The following IL4I1 variants were observed in gnomAD, a reference collection of about 807,000 sequenced individuals.
IL4I1 encodes interleukin 4 induced 1, also known as L-amino-acid oxidase.
Under a neutral mutation model 29.7 loss-of-function variants are expected in IL4I1, and 24 were observed. The ratio of observed to expected loss-of-function variants is 0.81; its 90% confidence interval spans 0.59 to 1.14. The LOEUF is 1.14. Among genes scored for constraint, IL4I1 ranks in the 50% most tolerant of loss-of-function variants. IL4I1 has a pLI of 0.00. For synonymous variants in IL4I1, 371 were observed against 352.5 expected, an observed-to-expected ratio of 1.05 and a Z score of -0.59; for missense variants, 686 against 785.6, an observed-to-expected ratio of 0.87 and a Z score of 1.52.
chr19:49,907,074 T>C (rs143688089), intron 2 of IL4I1: 10 of 156,928 alleles, frequency 6.4e-5, no homozygotes, highest in African/African-American at 9.6e-5. Flanking sequence ...CTGGGCTTCA[T>C]TGTTCTTTCA....
chr19:49,899,020 T>C (rs757099826), upstream of IL4I1, among the ~76,000 whole-genome samples: 8 of 152,238 alleles, frequency 5.3e-5, no homozygotes, highest in Non-Finnish European at 1.0e-4. Flanking sequence ...CAGAGTTTCA[T>C]TCACAGCGAC....
At chr19:49,917,148 A>G (rs1321514626) in intron 2 of IL4I1, among the ~76,000 whole-genome samples, 5 of 152,158 alleles carry the variant, frequency 3.3e-5, no homozygotes, top group African/African-American at 1.2e-4. Flanking sequence ...AAGAGCAGAG[A>G]GTGAGGGAGT....
chr19:49,896,219 G>C lies in IL4I1; in HGVS notation c.-22-37C>G, dbSNP rs746666778. 2.4e-5 allele frequency: 35 copies of C among 1,478,864 alleles called. No homozygotes were observed. The South Asian group carries it at 4.4e-4, about 19-fold the overall frequency. 91.6% of individuals were successfully genotyped at this position (1,478,864 alleles called of 1,614,324 possible). A position where few individuals can be genotyped will look rare whatever the true frequency, so the allele number is the denominator to read the frequency against. On this transcript the variant is annotated intron_variant, in intron 1 of 7. Coordinates refer to ENST00000391826, the MANE Select transcript of IL4I1 (RefSeq NM_152899.2). ...GAGAAGGGAGGGCTGTTGTGACTGA[G>C]GCCTGTGACCACTGTAGCCTGACTC...
intron 2 of IL4I1, chr19:49,906,828 T>G (rs1202170459): frequency 6.6e-6 from 1 of 152,252 alleles, no homozygotes; most frequent in Admixed American, 6.5e-5. Flanking sequence ...GCAGCTGTTT[T>G]GGTTTCACAA....
upstream of IL4I1, among the ~76,000 whole-genome samples, chr19:49,897,833 G>A (rs2075231267): frequency 6.6e-6 from 1 of 152,200 alleles, no homozygotes; most frequent in Non-Finnish European, 1.5e-5. Flanking sequence ...AGGGTTGGGT[G>A]GGGGTTGGAG....
chr19:49,901,821 G>T, upstream of IL4I1: 1 of 710,138 alleles, frequency 1.4e-6, no homozygotes, highest in Non-Finnish European at 2.2e-6. Context: ...CAGCTGGGAG[G>T]CTGTGAAAGG....
At chr19:49,922,604 G>T (rs1254272332) in intron 2 of IL4I1, among the ~76,000 whole-genome samples, 1 of 151,966 alleles carries the variant, frequency 6.6e-6, no homozygotes, top group African/African-American at 2.4e-5. Context: ...GTGGGGAGGG[G>T]AAGTCACAGA....
At chr19:49,915,163 G>A (rs1336539644) in intron 2 of IL4I1, among the ~76,000 whole-genome samples, 1 of 151,988 alleles carries the variant, frequency 6.6e-6, no homozygotes, top group African/African-American at 2.4e-5. Flanking sequence ...TGTGTGGGGG[G>A]GTAGACAGAA....
intron 2 of IL4I1, among the ~76,000 whole-genome samples, chr19:49,913,381 G>C (rs769335827): frequency 1.3e-5 from 2 of 152,148 alleles, no homozygotes; most frequent in African/African-American, 4.8e-5. Context: ...GTTTACCTGG[G>C]GCCCCAGGCC....
At chr19:49,919,787 C>T (rs1600541482) in intron 2 of IL4I1, among the ~76,000 whole-genome samples, 1 of 115,892 alleles carries the variant, frequency 8.6e-6, no homozygotes, top group African/African-American at 3.6e-5. Flanking sequence ...GATTCTAGAA[C>T]CACCGCTTGC....
upstream of IL4I1, among the ~76,000 whole-genome samples, chr19:49,901,299 G>A (rs1274363749): frequency 6.6e-6 from 1 of 152,198 alleles, no homozygotes; most frequent in Non-Finnish European, 1.5e-5. Flanking sequence ...CGGGAGAATC[G>A]CTCGAGCCTG....
Position 49,921,318 on chromosome 19 carries a change from G to T in IL4I1, c.-228+6376C>A, listed in dbSNP as rs1377577672. Among the ~76,000 whole-genome samples the T allele has an allele frequency of 6.6e-6, 1 of 152,022 alleles. No individual in the cohort carries two copies. Among genetic ancestry groups the T allele is most frequent in the Non-Finnish European group, 1.5e-5 (1 of 68,004 alleles). ...CCACAGCTGAGCTCCTAACCGCACC[G>T]AGCCTCTCCAAAACATGGTCTTTTT... On this transcript the variant is annotated intron_variant, in intron 2 of 9. Transcript: ENST00000341114. This position sits in a 1 kb window ranked among gnomAD's most constrained non-coding sequence, Gnocchi z 5.4.
intron 2 of IL4I1, among the ~76,000 whole-genome samples, chr19:49,919,483 G>A (rs1016740885): frequency 7.9e-5 from 12 of 152,182 alleles, no homozygotes; most frequent in African/African-American, 2.9e-4. Flanking sequence ...CTCAGAGGGG[G>A]CGACTTGCCC....
At chr19:49,908,813 T>C (rs1259154353) in intron 2 of IL4I1, 30 of 1,613,598 alleles carry the variant, frequency 1.9e-5, no homozygotes, top group Middle Eastern at 3.3e-4. Context: ...GCTCTCCAGC[T>C]GCGCGTAGGT....
intron 2 of IL4I1, chr19:49,909,106 G>A (rs1232380378): frequency 6.2e-7 from 1 of 1,612,484 alleles, no homozygotes; most frequent in South Asian, 1.1e-5. Context: ...AGAGTCCAGT[G>A]GTGGCAGATG....
intron 2 of IL4I1, among the ~76,000 whole-genome samples, chr19:49,912,164 A>AC (rs1353184180): frequency 8.5e-6 from 1 of 117,856 alleles, no homozygotes; most frequent in Non-Finnish European, 1.8e-5. Flanking sequence ...TTAACAGTTC[A>AC]CCTTTTTTTT....
chr19:49,890,022 T>G lies in IL4I1; in HGVS notation c.1352A>C (p.Gln451Pro). ...VKRWAEDQHS[Q>P]GGFVVQPPAL... ...CGGCGGCTGTACCACAAAGCCACCC[T>G]GGCTGTGCTGGTCCTCCGCCCAACG... is the stretch of plus-strand genomic sequence containing the variant. The change falls in exon 8 of 8, where the codon CAG becomes CCG. Residue 451 changes from glutamine to proline, a missense_variant. By Grantham distance (76) the Gln-to-Pro change is moderately conservative. Transcript: ENST00000391826. 6.4e-7 allele frequency: 1 copy of G among 1,552,354 alleles called. No individual in the cohort carries two copies. Among genetic ancestry groups the G allele is most frequent in the Non-Finnish European group, 8.7e-7 (1 of 1,148,072 alleles).
chr19:49,923,146 C>A (rs563581677), intron 2 of IL4I1, among the ~76,000 whole-genome samples: 171 of 152,256 alleles, frequency 1.1e-3, no homozygotes, highest in Non-Finnish European at 2.0e-3. Flanking sequence ...AGGGAAGGGG[C>A]TCTGGAGGAC....
intron 2 of IL4I1, among the ~76,000 whole-genome samples, chr19:49,917,042 G>T (rs1456119606): frequency 5.9e-5 from 9 of 152,272 alleles, no homozygotes; most frequent in Non-Finnish European, 1.0e-4. Flanking sequence ...GTGCGGAGCT[G>T]TCTCCGTGGG....
Sources: gnomAD v4.1 joint callset for allele counts (sites outside exome capture counted in the v4.1 genomes callset) on GRCh38, gnomAD v4.1.1 for gene constraint, Gnocchi (gnomAD v3.1) non-coding constraint, MANE v1.5 for transcripts, NCBI Gene and HGNC (gene_info 2026-07-23, HGNC 2026-07-21) for gene names.